The following DOCK2 variants were observed in gnomAD, a reference collection of about 807,000 sequenced individuals.
DOCK2 encodes the protein dedicator of cytokinesis 2.
Under a neutral mutation model 248.9 loss-of-function variants are expected in DOCK2, and 87 were observed. The ratio of observed to expected loss-of-function variants is 0.35; its 90% CI spans 0.29 to 0.42. The LOEUF (loss-of-function observed/expected upper bound fraction) is 0.42, where lower values mean the gene tolerates loss of function less well. Ranked by LOEUF, DOCK2 falls within the 10% of genes least tolerant of loss-of-function variation. The probability of loss-of-function intolerance (pLI) is 1.00; values close to 1 mark genes in which losing one functional copy is unlikely to be tolerated. For synonymous variants in DOCK2, 805 were observed against 821.6 expected (o/e 0.98, Z 0.35); for missense variants, 1,747 against 2,300.2 (o/e 0.76, Z 4.92).
At chr5:169,719,193 G>T (rs1762064782) in intron 22 of DOCK2, among the ~76,000 whole-genome samples, 2 of 152,206 alleles carry the variant, frequency 1.3e-5, no homozygotes, top group African/African-American at 4.8e-5. Flanking sequence ...TGGCCAATAA[G>T]CTGGTATTTG....
At chr5:169,727,834 G>A (rs1054839212) in intron 22 of DOCK2, among the ~76,000 whole-genome samples, 7 of 152,186 alleles carry the variant, frequency 4.6e-5, no homozygotes, top group East Asian at 1.9e-4. Context: ...TGCTTTTGGC[G>A]GTGGGGAGCC....
intron 25 of DOCK2, among the ~76,000 whole-genome samples, chr5:169,796,363 A>G (rs897109394): frequency 6.6e-6 from 1 of 152,168 alleles, no homozygotes; most frequent in Non-Finnish European, 1.5e-5. Flanking sequence ...TTCTCTCAAC[A>G]TGAGTTTCAT....
In DOCK2 at chr5:169,684,321, C is replaced by T. The variant is rs770032917; in HGVS notation, c.732C>T (p.Leu244=). ...AAGATGCTGAGCTCTTCATGTCTCT[C>T]TACGACCCCAACAAGCAAACGGTCA... The part of the protein sequence containing the change: ...IGEDAELFMS[L]YDPNKQTVIS... The change falls in exon 8 of 52, where the codon CTC becomes CTT. Residue 244 remains leucine, a synonymous_variant. Coordinates refer to ENST00000520908, the MANE Select transcript of DOCK2 (RefSeq NM_004946.3). The T allele has an allele frequency of 1.2e-6, 2 of 1,614,180 alleles. No homozygotes were observed. The highest frequency in any genetic ancestry group is 2.2e-5 in the South Asian group (2 of 91,088).
rs770587214 is a variant in DOCK2 at position 169,896,585 on chromosome 5, G to A, written c.2799+55733G>A. 4.6e-5 allele frequency among the ~76,000 whole-genome samples: 7 copies of A among 152,162 alleles called. No homozygotes were observed. In the East Asian group the frequency reaches 5.8e-4, roughly 13 times the overall value. ...ACACTCATAAATCTTTCAGAAAAGCGCCTGTCAGGCTGGAACCACTTAATA... is the reference window on the plus strand; with the variant it reads ...ACACTCATAAATCTTTCAGAAAAGCACCTGTCAGGCTGGAACCACTTAATA... On this transcript the variant is annotated intron_variant, in intron 27 of 51. Transcript: ENST00000520908.
intron 2 of DOCK2, among the ~76,000 whole-genome samples, chr5:169,667,755 A>C (rs901141376): frequency 1.3e-5 from 2 of 152,264 alleles, no homozygotes; most frequent in Non-Finnish European, 2.9e-5. Flanking sequence ...CAATAAGACA[A>C]AACAAAAAAT....
intron 27 of DOCK2, among the ~76,000 whole-genome samples, chr5:169,969,858 T>G (rs937274739): frequency 1.3e-5 from 2 of 152,254 alleles, no homozygotes; most frequent in Non-Finnish European, 1.5e-5. Context: ...CTTGGAAATA[T>G]AGACTGGGAT....
chr5:169,985,841 A>T lies in DOCK2; in HGVS notation c.2912A>T (p.Glu971Val), dbSNP rs1486121484. The change falls in exon 29 of 52, where the codon GAG becomes GTG. Residue 971 changes from glutamate (E) to valine (V), a missense_variant. By Grantham distance (121) the Glu-to-Val change is moderately radical. Transcript: ENST00000520908. ...TCATTGTTTCAGGACTTCTTGATGG[A>T]GACCTTCATCATGTTCAAGGACCTC... ...TSSELVDFLM[E>V]TFIMFKDLIG... 6.2e-7 allele frequency: 1 copy of T among 1,608,900 alleles called. No homozygotes were observed. Among genetic ancestry groups the T allele is most frequent in the Non-Finnish European group, 8.5e-7 (1 of 1,177,010 alleles).
At chr5:169,775,158 C>G (rs1765313444) in intron 25 of DOCK2, among the ~76,000 whole-genome samples, 1 of 152,202 alleles carries the variant, frequency 6.6e-6, no homozygotes, top group Admixed American at 6.5e-5. Context: ...GATCTGCCCA[C>G]CTCGGCCTCC....
intron 26 of DOCK2, among the ~76,000 whole-genome samples, chr5:169,812,748 T>C (rs569063020): frequency 1.3e-5 from 2 of 152,360 alleles, no homozygotes; most frequent in Admixed American, 6.5e-5. Flanking sequence ...ACTCATATGC[T>C]CTTTCTGCTG....
At chr5:169,678,218 A>C (rs1016671854) in intron 6 of DOCK2, among the ~76,000 whole-genome samples, 1 of 152,162 alleles carries the variant, frequency 6.6e-6, no homozygotes, top group African/African-American at 2.4e-5. Context: ...CTAAGGAAAA[A>C]AAAAGGCTTC....
intron 23 of DOCK2, among the ~76,000 whole-genome samples, chr5:169,753,361 C>G (rs1427150234): frequency 3.3e-5 from 5 of 151,734 alleles, no homozygotes; most frequent in South Asian, 2.1e-4. Flanking sequence ...CCCTCACCCC[C>G]CCCCACCCCC....
chr5:169,993,997 G>T (rs556721125), intron 29 of DOCK2, among the ~76,000 whole-genome samples: 3 of 152,134 alleles, frequency 2.0e-5, no homozygotes, highest in Non-Finnish European at 4.4e-5. Context: ...TACCAAAATT[G>T]TTTCCTTTTT....
At chr5:169,759,977 TATA>T (rs1173576214) in intron 24 of DOCK2, among the ~76,000 whole-genome samples, 1 of 152,196 alleles carries the variant, frequency 6.6e-6, no homozygotes, top group Non-Finnish European at 1.5e-5. Context: ...AAACCAACTG[TATA>T]ATAAGCATCC....
intron 27 of DOCK2, among the ~76,000 whole-genome samples, chr5:169,896,969 A>T (rs76176616): frequency 0.058 from 8,777 of 152,316 alleles, 324 homozygotes; most frequent in Non-Finnish European, 0.083. Flanking sequence ...CAGAAAGGGA[A>T]TATAGTAAGA....
chr5:169,953,508 T>G (rs2113730215), intron 27 of DOCK2, among the ~76,000 whole-genome samples: 1 of 152,238 alleles, frequency 6.6e-6, no homozygotes, highest in East Asian at 1.9e-4. Flanking sequence ...TTGAATGAGA[T>G]TAAGTCCTGT....
intron 33 of DOCK2, among the ~76,000 whole-genome samples, chr5:170,023,186 C>A: frequency 6.6e-6 from 1 of 152,058 alleles, no homozygotes; most frequent in East Asian, 1.9e-4. Flanking sequence ...CCTCAGCAGG[C>A]AGGAGATCCC....
Position 170,050,127 on chromosome 5 carries a change from A to G in DOCK2, c.4072-129A>G, listed in dbSNP as rs933644894. On this transcript the variant is annotated intron_variant, in intron 40 of 51. Coordinates refer to ENST00000520908, the MANE Select transcript of DOCK2 (RefSeq NM_004946.3). ...TGAGCCCTTCCTTTCCCTGTGGGGAAACCAAGAGGAGAGTGATGCACTGGA... is the reference window on the plus strand; with the variant it reads ...TGAGCCCTTCCTTTCCCTGTGGGGAGACCAAGAGGAGAGTGATGCACTGGA... The G allele has an allele frequency of 4.0e-6, 5 of 1,238,188 alleles. No individual in the cohort carries two copies. In the East Asian group the frequency reaches 9.5e-5, roughly 23 times the overall value. 76.7% of individuals were successfully genotyped at this position (1,238,188 alleles called of 1,614,324 possible). A position where few individuals can be genotyped will look rare whatever the true frequency, so the allele number is the denominator to read the frequency against.
chr5:169,793,288 G>A (rs987299737), intron 25 of DOCK2, among the ~76,000 whole-genome samples: 3 of 152,112 alleles, frequency 2.0e-5, no homozygotes, highest in Admixed American at 2.0e-4. Flanking sequence ...CATGTTCATC[G>A]ACTTCCCTCT....
At chr5:169,962,403 G>A (rs1445531560) in intron 27 of DOCK2, among the ~76,000 whole-genome samples, 1 of 152,176 alleles carries the variant, frequency 6.6e-6, no homozygotes, top group Non-Finnish European at 1.5e-5. Flanking sequence ...ACCGGAAAGT[G>A]GGGGAGGATG....
Sources: gnomAD v4.1 joint callset for allele counts (sites outside exome capture counted in the v4.1 genomes callset) on GRCh38, gnomAD v4.1.1 for gene constraint, MANE v1.5 for transcripts, NCBI Gene and HGNC (gene_info 2026-07-23, HGNC 2026-07-21) for gene names.